Variants in RYR2 observed in about 807,000 individuals in gnomAD.
RYR2 encodes the protein cardiac muscle ryanodine receptor-calcium release channel.
Under a neutral mutation model 601.1 loss-of-function variants are expected in RYR2, and 227 were observed. The observed-to-expected ratio is 0.38, with a 90% CI of 0.34 to 0.42. The LOEUF (loss-of-function observed/expected upper bound fraction) is 0.42, where lower values mean the gene tolerates loss of function less well. Among genes scored for constraint, RYR2 ranks in the 10% least tolerant of loss-of-function variants. The probability of loss-of-function intolerance (pLI) is 1.00; values close to 1 mark genes in which losing one functional copy is unlikely to be tolerated. For synonymous variants in RYR2, 2,223 were observed against 2,175.1 expected, an observed-to-expected ratio of 1.02 and a Z score of -0.61; for missense variants, 4,646 against 6,156.5, an observed-to-expected ratio of 0.75 and a Z score of 8.21.
Position 237,711,853 on chromosome 1 carries a change from G to A in RYR2, c.10323+16G>A, listed in dbSNP as rs961862052. ...GATGTCAAAGGTATTACTATAAACT[G>A]TTTCACTGTTCTGGAAAATATCTGA... On this transcript the variant is annotated intron_variant, in intron 71 of 104. Coordinates refer to ENST00000366574, the MANE Select transcript of RYR2 (RefSeq NM_001035.3). 6.2e-6 allele frequency: 7 copies of A among 1,120,764 alleles called. No homozygotes were observed. Among genetic ancestry groups the A allele is most frequent in the African/African-American group, 6.2e-5 (4 of 64,610 alleles). The allele number at this position is 1,120,764 out of a possible 1,614,324, so 69.4% of individuals were successfully genotyped here. A position where few individuals can be genotyped will look rare whatever the true frequency, so the allele number is the denominator to read the frequency against.
At chr1:237,772,940 A>C (rs1694384763) in intron 86 of RYR2, among the ~76,000 whole-genome samples, 1 of 152,182 alleles carries the variant, frequency 6.6e-6, no homozygotes, top group African/African-American at 2.4e-5. Context: ...ATATCTTTAA[A>C]ATGTATGTTA....
chr1:237,434,528 AGTGTGTTGAAATGTTTGTTTT>A (rs1707151151), intron 12 of RYR2, among the ~76,000 whole-genome samples: 1 of 152,170 alleles, frequency 6.6e-6, no homozygotes, highest in Non-Finnish European at 1.5e-5. Context: ...ATTGTTTTCA[AGTGTGTTGAAATGTTTGTTTT>A]AATCATAAGG....
chr1:237,423,484 A>G (rs1466446086), intron 12 of RYR2, among the ~76,000 whole-genome samples: 1 of 152,250 alleles, frequency 6.6e-6, no homozygotes. Context: ...GATTACATAA[A>G]GGGTAATGAT....
chr1:237,766,186 G>A (rs188906789), intron 84 of RYR2, among the ~76,000 whole-genome samples: 1 of 151,512 alleles, frequency 6.6e-6, no homozygotes, highest in Admixed American at 6.6e-5. Context: ...TCTCTGCCCT[G>A]CCAAGGAATC....
At chr1:237,607,178 T>C (rs947119274) in intron 35 of RYR2, among the ~76,000 whole-genome samples, 1 of 152,218 alleles carries the variant, frequency 6.6e-6, no homozygotes, top group Non-Finnish European at 1.5e-5. Flanking sequence ...CCAACCCAAA[T>C]GTCCATCAGT....
At chr1:237,461,660 A>G (rs1189119867) in intron 16 of RYR2, among the ~76,000 whole-genome samples, 1 of 152,148 alleles carries the variant, frequency 6.6e-6, no homozygotes, top group East Asian at 1.9e-4. Flanking sequence ...AAAAGTAGTT[A>G]ACATATATCT....
intron 1 of RYR2, among the ~76,000 whole-genome samples, chr1:237,206,219 G>A (rs1027839087): frequency 6.6e-6 from 1 of 152,198 alleles, no homozygotes; most frequent in Admixed American, 6.5e-5. Context: ...CCCCAGGAGG[G>A]AGGTGAGTCA....
intron 96 of RYR2, among the ~76,000 whole-genome samples, chr1:237,797,707 G>C (rs1333392136): frequency 6.6e-6 from 1 of 152,200 alleles, no homozygotes; most frequent in Non-Finnish European, 1.5e-5. Context: ...ATAATTTCTG[G>C]CACAAAGTAT....
chr1:237,307,185 T>C (rs992315209), intron 2 of RYR2, among the ~76,000 whole-genome samples: 1 of 152,184 alleles, frequency 6.6e-6, no homozygotes, highest in African/African-American at 2.4e-5. Context: ...TATCAGAGAC[T>C]CTGCTAAGGC....
chr1:237,690,665 C>T (rs748969388), intron 63 of RYR2, among the ~76,000 whole-genome samples: 1 of 152,090 alleles, frequency 6.6e-6, no homozygotes, highest in Non-Finnish European at 1.5e-5. Flanking sequence ...AGTTCAAGAC[C>T]AGCCTGGGAA....
intron 79 of RYR2, among the ~76,000 whole-genome samples, chr1:237,738,401 A>G (rs1288642718): frequency 1.3e-5 from 2 of 152,164 alleles, no homozygotes; most frequent in Non-Finnish European, 2.9e-5. Flanking sequence ...GAAACAACCT[A>G]GAGAATTTAC....
intron 1 of RYR2, among the ~76,000 whole-genome samples, chr1:237,155,668 A>G (rs1376618354): frequency 6.6e-6 from 1 of 152,180 alleles, no homozygotes; most frequent in East Asian, 1.9e-4. Flanking sequence ...TTAGTAGTTT[A>G]TGTAGGACCA....
chr1:237,707,283 G>T lies in RYR2; in HGVS notation c.9901+14G>T, dbSNP rs1430471956. 1 of 1,353,340 alleles carries T rather than the reference G, an allele frequency of 7.4e-7. No homozygotes were observed. Among genetic ancestry groups the T allele is most frequent in the Non-Finnish European group, 9.8e-7 (1 of 1,015,812 alleles). 83.8% of individuals were successfully genotyped at this position (1,353,340 alleles called of 1,614,324 possible). A position where few individuals can be genotyped will look rare whatever the true frequency, so the allele number is the denominator to read the frequency against. On this transcript the variant is annotated intron_variant, in intron 68 of 104. Coordinates refer to ENST00000366574, the MANE Select transcript of RYR2 (RefSeq NM_001035.3). ...AGAGGCTAGCAGGTAAGAACTGGAA[G>T]AAGACATTGTACCCCTGAAATCTGT...
At chr1:237,643,495 A>G in intron 48 of RYR2, 48 bp downstream of exon 48, 1 of 1,611,474 alleles carries the variant, frequency 6.2e-7, no homozygotes, top group Non-Finnish European at 8.5e-7. Flanking sequence ...GTTGGATGAC[A>G]TCATGTTCTA....
intron 2 of RYR2, among the ~76,000 whole-genome samples, chr1:237,316,160 G>T (rs1695090203): frequency 6.6e-6 from 1 of 152,124 alleles, no homozygotes; most frequent in African/African-American, 2.4e-5. Context: ...TGAATTTAAA[G>T]TTCCCTTTTA....
intron 1 of RYR2, among the ~76,000 whole-genome samples, chr1:237,134,920 G>A (rs538599659): frequency 6.6e-6 from 1 of 152,242 alleles, no homozygotes; most frequent in African/African-American, 2.4e-5. Context: ...AGATAATGTG[G>A]CCACAAACTG....
chr1:237,354,919 T>C (rs796941499), intron 3 of RYR2, among the ~76,000 whole-genome samples: 4 of 152,270 alleles, frequency 2.6e-5, no homozygotes, highest in African/African-American at 9.6e-5. Context: ...CTTCATAAAA[T>C]TCTGCCTGTT....
intron 2 of RYR2, among the ~76,000 whole-genome samples, chr1:237,280,143 G>A (rs1690712277): frequency 6.6e-6 from 1 of 152,264 alleles, no homozygotes; most frequent in African/African-American, 2.4e-5. Context: ...AATGCATTAA[G>A]ATATTAATGA....
At chr1:237,312,560 C>T (rs1694685791) in intron 2 of RYR2, among the ~76,000 whole-genome samples, 1 of 152,124 alleles carries the variant, frequency 6.6e-6, no homozygotes, top group South Asian at 2.1e-4. Context: ...GTAACCTTAC[C>T]TTGGAGAGAA....
Sources: allele counts gnomAD v4.1 joint callset (sites outside exome capture counted in the v4.1 genomes callset), GRCh38; gene constraint gnomAD v4.1.1; transcripts MANE v1.5; gene names NCBI Gene and HGNC (gene_info 2026-07-23, HGNC 2026-07-21).